RBM41: variants seen among roughly 807,000 people sequenced by gnomAD.
The protein encoded by RBM41 is RNA binding motif protein 41, also known as RNA-binding protein 41.
A neutral mutation model predicts 30.8 loss-of-function variants in RBM41; 14 were observed. The observed-to-expected ratio is 0.45, with a 90% CI of 0.30 to 0.71. The LOEUF is 0.71. RBM41 is among the 30% of genes least tolerant of loss of function. The pLI, the probability that RBM41 is intolerant of heterozygous loss-of-function variation, is 0.08. For missense variants in RBM41, 276 were observed against 326.3 expected, an observed-to-expected ratio of 0.85 and a Z score of 1.19; for synonymous variants, 120 against 110.1, an observed-to-expected ratio of 1.09 and a Z score of -0.56.
At chrX:107,111,864 G>A (rs1924512354) in intron 5 of RBM41, among the ~76,000 whole-genome samples, 1 of 111,372 alleles carries the variant, frequency 9.0e-6, no homozygotes, top group African/African-American at 3.3e-5. Flanking sequence ...GTTGCCAGAG[G>A]CTGGTGGGGA....
At chrX:107,056,108 G>T in the RBM41 span, among the ~76,000 whole-genome samples, 1 of 111,802 alleles carries the variant, frequency 8.9e-6, no homozygotes, top group Non-Finnish European at 1.9e-5. Context: ...TCACGAAAGG[G>T]TATTAGATTT....
At chrX:107,059,294 A>C (rs960980330), downstream of RBM41, among the ~76,000 whole-genome samples, 2 of 109,212 alleles carry the variant, frequency 1.8e-5, no homozygotes, top group African/African-American at 6.7e-5. Flanking sequence ...CTCAATGAGA[A>C]CACATGGACA....
Position 107,118,303 on chromosome X carries a change from T to C in RBM41, c.8+463A>G, listed in dbSNP as rs746661564. ...TACTTTAAGATTCGAAAGCGCTACATGGTTTCGGGGCCCAAGCAAGTAGTC... is the reference window on the plus strand; with the variant it reads ...TACTTTAAGATTCGAAAGCGCTACACGGTTTCGGGGCCCAAGCAAGTAGTC... On this transcript the variant is annotated intron_variant, in intron 1 of 7. Transcript: ENST00000685964. Among the ~76,000 whole-genome samples, 195 of 106,296 alleles carry C rather than the reference T, an allele frequency of 1.8e-3. 1 individual carries two copies. Among genetic ancestry groups the C allele is most frequent in the Non-Finnish European group, 2.4e-3 (125 of 51,852 alleles). The allele number at this position is 106,296 out of a possible 115,157, so 92.3% of individuals were successfully genotyped here. A position where few individuals can be genotyped will look rare whatever the true frequency, so the allele number is the denominator to read the frequency against.
Position 107,067,240 on chromosome X carries a change from G to T in RBM41, c.*287C>A, listed in dbSNP as rs142775579. On this transcript the variant is annotated 3_prime_UTR_variant, in exon 8 of 8. Coordinates refer to ENST00000685964, the MANE Select transcript of RBM41 (RefSeq NM_001324242.2). ...TTGAGGACCCCAGAAAAATTATAAA[G>T]ATTTTTAAAAATCCTTAGGAATAAT... The T allele has an allele frequency of 9.0e-3, 7,422 of 820,707 alleles. 29 individuals are homozygous for T. The highest frequency in any genetic ancestry group is 0.01 in the Non-Finnish European group (7,008 of 681,779). The allele number at this position is 820,707 out of a possible 1,213,427, so 67.6% of individuals were successfully genotyped here.
chrX:107,057,503 C>T (rs1935598180), downstream of RBM41, among the ~76,000 whole-genome samples: 1 of 111,768 alleles, frequency 8.9e-6, no homozygotes, highest in African/African-American at 3.3e-5. Flanking sequence ...TTGGAGAAGA[C>T]ACTTCATATT....
chrX:107,091,093 C>T (rs965138742), intron 5 of RBM41, among the ~76,000 whole-genome samples: 1 of 110,940 alleles, frequency 9.0e-6, no homozygotes, highest in African/African-American at 3.3e-5. Context: ...GTTTGTTGAG[C>T]AAGAGGGACA....
intron 6 of RBM41, among the ~76,000 whole-genome samples, chrX:107,082,391 A>G (rs1602567139): frequency 8.9e-6 from 1 of 111,855 alleles, no homozygotes; most frequent in South Asian, 3.7e-4. Flanking sequence ...TTATTTTTAT[A>G]CATTATTGAA....
chrX:107,098,969 TG>T (rs1923217113), intron 5 of RBM41, among the ~76,000 whole-genome samples: 1 of 109,696 alleles, frequency 9.1e-6, no homozygotes, highest in African/African-American at 3.3e-5. Flanking sequence ...CACTGCGGCC[TG>T]GGTGACAGGG....
chrX:107,076,011 A>G (rs977839446), intron 6 of RBM41, among the ~76,000 whole-genome samples: 2 of 111,425 alleles, frequency 1.8e-5, no homozygotes, highest in African/African-American at 6.5e-5. Flanking sequence ...TAGATAAAGA[A>G]TATGTGGCAT....
At chrX:107,115,317 G>T in intron 4 of RBM41, 35 bp downstream of exon 4, 1 of 1,182,815 alleles carries the variant, frequency 8.5e-7, no homozygotes, top group Non-Finnish European at 1.1e-6. Flanking sequence ...TTCTCTCAGT[G>T]AAAGAATATA....
intron 5 of RBM41, among the ~76,000 whole-genome samples, chrX:107,090,142 G>A (rs1226059991): frequency 3.6e-5 from 4 of 111,725 alleles, no homozygotes; most frequent in African/African-American, 9.8e-5. Flanking sequence ...TTGGGAGGCC[G>A]AGGCAGGCGG....
chrX:107,072,642 A>G (rs1164065013), intron 6 of RBM41, among the ~76,000 whole-genome samples: 9 of 111,492 alleles, frequency 8.1e-5, no homozygotes, highest in Non-Finnish European at 1.3e-4. Flanking sequence ...AAGAAAAAAA[A>G]TCTTAAAATT....
At position 107,064,391 on chromosome X, in the gene RBM41, TTTTC is replaced by T. The variant is rs927693171; in HGVS notation, c.*3132_*3135del. ...GGTTTTGTAATTTCCCTTATGATTT[TTTTC>T]TTTGACACATTTTTTTTTTTTTTTG... On this transcript the variant is annotated 3_prime_UTR_variant, in exon 8 of 8. Transcript: ENST00000685964. The T allele has an allele frequency of 4.6e-5, 4 of 86,035 alleles. No individual in the cohort carries two copies. The highest frequency in any genetic ancestry group is 1.3e-4 in the African/African-American group (3 of 23,861). 7.1% of individuals were successfully genotyped at this position (86,035 alleles called of 1,213,427 possible).
chrX:107,099,889 C>T (rs1923307433), intron 5 of RBM41, among the ~76,000 whole-genome samples: 1 of 111,943 alleles, frequency 8.9e-6, no homozygotes, highest in South Asian at 3.8e-4. Flanking sequence ...ACTGTGATTG[C>T]ACAGGAGAAT....
Position 107,062,640 on chromosome X carries a change from T to TA in RBM41, c.*4886dup, listed in dbSNP as rs397973476. 0.054 allele frequency among the ~76,000 whole-genome samples: 5,694 copies of TA among 104,828 alleles called. 397 individuals are homozygous for TA. Among genetic ancestry groups the TA allele is most frequent in the African/African-American group, 0.19 (5,389 of 28,973 alleles). The allele number at this position is 104,828 out of a possible 115,157, so 91.0% of individuals were successfully genotyped here. On this transcript the variant is annotated 3_prime_UTR_variant, in exon 8 of 8. Transcript: ENST00000685964. ...AATATTTTTTAAAAAATTTTTTAGT[T>TA]AAAAAAAAAAATGAAAAAAGTAAAA... is the stretch of plus-strand genomic sequence containing the variant.
intron 6 of RBM41, among the ~76,000 whole-genome samples, chrX:107,071,108 C>A (rs749419950): frequency 1.9e-5 from 2 of 105,283 alleles, no homozygotes; most frequent in African/African-American, 6.9e-5. Context: ...TGTGATTGAA[C>A]GTAAGATGTT....
chrX:107,085,520 G>A (rs1343615735), intron 6 of RBM41, among the ~76,000 whole-genome samples: 1 of 110,836 alleles, frequency 9.0e-6, no homozygotes, highest in Non-Finnish European at 1.9e-5. Context: ...TGCTGGCCTC[G>A]GCCTCCCAAA....
intron 6 of RBM41, chrX:107,070,220 G>A (rs1299863546): frequency 6.1e-6 from 2 of 329,374 alleles, no homozygotes; most frequent in Non-Finnish European, 1.2e-5. Context: ...TGCCAATCCT[G>A]GTAGAAAACT....
chrX:107,069,992 A>G, intron 6 of RBM41: 1 of 200,610 alleles, frequency 5.0e-6, no homozygotes, highest in South Asian at 7.7e-5. Context: ...CACACTGAAG[A>G]AAGCTGAATT....
Sources: gnomAD v4.1 joint callset for allele counts (sites outside exome capture counted in the v4.1 genomes callset) on GRCh38, gnomAD v4.1.1 for gene constraint, MANE v1.5 for transcripts, NCBI Gene and HGNC (gene_info 2026-07-23, HGNC 2026-07-21) for gene names.